The following RIC3 variants were observed in gnomAD, a reference collection of about 807,000 sequenced individuals.
The protein encoded by RIC3 is protein RIC-3.
A neutral mutation model predicts 27.3 loss-of-function variants in RIC3; 28 were observed. The observed-to-expected ratio is 1.02, with a 90% CI of 0.76 to 1.41. RIC3 has a LOEUF of 1.41. Ranked by LOEUF, RIC3 falls within the 40% of genes most tolerant of loss-of-function variation. RIC3 has a pLI of 0.00. For synonymous variants in RIC3, 184 were observed against 160.4 expected (o/e 1.15, Z -1.11); for missense variants, 501 against 444.7 (o/e 1.13, Z -1.14).
intron 1 of RIC3, among the ~76,000 whole-genome samples, chr11:8,166,921 A>G (rs1423218814): frequency 6.6e-6 from 1 of 151,838 alleles, no homozygotes; most frequent in East Asian, 1.9e-4. Context: ...AAGAGAGGAA[A>G]GGAGGGAGGG....
intron 4 of RIC3, among the ~76,000 whole-genome samples, chr11:8,136,250 G>A (rs1198563333): frequency 6.6e-6 from 1 of 152,148 alleles, no homozygotes; most frequent in Non-Finnish European, 1.5e-5. Flanking sequence ...TGAACAAAGG[G>A]CACAGCGTAC....
intron 1 of RIC3, among the ~76,000 whole-genome samples, chr11:8,147,814 G>A (rs750137767): frequency 1.3e-4 from 19 of 146,682 alleles, no homozygotes; most frequent in South Asian, 2.2e-4. Context: ...TGCAACCTCC[G>A]ACTCCCTGGT....
Position 8,110,276 on chromosome 11 carries a change from G to A in RIC3, c.*422C>T. On this transcript the variant is annotated 3_prime_UTR_variant, in exon 6 of 6. Transcript: ENST00000309737. Reference sequence around the variant, plus strand: ...CCTGCTCAAGGCCCAAAGAATAAGGGATCTTGGAGTCTGAAATCTTCATTC... The same window carrying A: ...CCTGCTCAAGGCCCAAAGAATAAGGAATCTTGGAGTCTGAAATCTTCATTC... 3.2e-6 allele frequency: 1 copy of A among 315,588 alleles called. No homozygotes were observed. The highest frequency in any genetic ancestry group is 1.1e-3 in the Middle Eastern group (1 of 914). The allele number at this position is 315,588 out of a possible 1,614,324, so 19.5% of individuals were successfully genotyped here.
chr11:8,158,846 C>T (rs1319229130), intron 1 of RIC3, among the ~76,000 whole-genome samples: 4 of 144,624 alleles, frequency 2.8e-5, no homozygotes, highest in African/African-American at 7.9e-5. Context: ...CAATTCTCTG[C>T]CTCAGCCTCC....
At chr11:8,162,685 G>A (rs551579852) in intron 1 of RIC3, among the ~76,000 whole-genome samples, 14 of 125,172 alleles carry the variant, frequency 1.1e-4, no homozygotes, top group African/African-American at 4.1e-4. Context: ...TCACTCTGTC[G>A]CCCAGGCTGG....
At chr11:8,101,831 AAGGG>A, downstream of RIC3, 1 of 714,446 alleles carries the variant, frequency 1.4e-6, no homozygotes. Context: ...GGTGGGTGTG[AAGGG>A]ATGAGAATAA....
In RIC3 at chr11:8,111,102, A is replaced by T. The variant is rs780327377; in HGVS notation, c.706T>A (p.Ser236Thr). 8.1e-6 allele frequency: 13 copies of T among 1,610,488 alleles called. No individual in the cohort carries two copies. Among genetic ancestry groups the T allele is most frequent in the Non-Finnish European group, 1.1e-5 (13 of 1,177,050 alleles). The stretch of plus-strand genomic sequence containing the variant: ...TCTTGCCTACGCTTGATACAGTCTG[A>T]AAGGTCATAAATTGGGTAAGTCTCT... ...PEETYPIYDL[S>T]DCIKRRQETI... is the part of the protein sequence containing the mutation. Residue 236 changes from serine (S) to threonine (T), a missense_variant, in exon 6 of 6, where the codon TCA becomes ACA. By Grantham distance (58) the Ser-to-Thr change is moderately conservative (BLOSUM62 1). Coordinates refer to ENST00000309737, the MANE Select transcript of RIC3 (RefSeq NM_001206671.4).
intron 4 of RIC3, chr11:8,128,447 A>T: frequency 2.8e-6 from 1 of 356,122 alleles, no homozygotes; most frequent in Non-Finnish European, 5.5e-6. Context: ...CACTCTTAAC[A>T]AGTATACTTT....
intron 1 of RIC3, among the ~76,000 whole-genome samples, chr11:8,161,630 C>T (rs1459640692): frequency 3.3e-5 from 5 of 152,290 alleles, no homozygotes; most frequent in South Asian, 2.1e-4. Context: ...AAGCCATTAA[C>T]GTGAACGGAT....
chr11:8,153,902 G>T (rs1950453959), intron 1 of RIC3, among the ~76,000 whole-genome samples: 1 of 152,134 alleles, frequency 6.6e-6, no homozygotes, highest in South Asian at 2.1e-4. Flanking sequence ...TCTGCTACCT[G>T]TGACACTTAA....
At chr11:8,111,574 G>A (rs1462966533) in intron 5 of RIC3, among the ~76,000 whole-genome samples, 1 of 152,158 alleles carries the variant, frequency 6.6e-6, no homozygotes, top group Non-Finnish European at 1.5e-5. Flanking sequence ...GAGAGGAAAG[G>A]AATGCTAAGC....
At position 8,110,612 on chromosome 11, in the gene RIC3, G is replaced by A; in HGVS notation, c.*86C>T. ...ATGACACTTGAACACAGTGAAGAAA[G>A]TGCAGGGCACAGGGCCAAGAAGGAA... On this transcript the variant is annotated 3_prime_UTR_variant, in exon 6 of 6. Coordinates refer to ENST00000309737, the MANE Select transcript of RIC3 (RefSeq NM_001206671.4). 1 of 1,184,380 alleles carries A rather than the reference G, an allele frequency of 8.4e-7. No individual in the cohort carries two copies. Among genetic ancestry groups the A allele is most frequent in the Non-Finnish European group, 1.3e-6 (1 of 794,774 alleles). 73.4% of individuals were successfully genotyped at this position (1,184,380 alleles called of 1,614,324 possible).
chr11:8,098,784 C>A, the RIC3 span: 1 of 1,613,964 alleles, frequency 6.2e-7, no homozygotes, highest in Non-Finnish European at 8.5e-7. Context: ...ACCAAGTTCA[C>A]TGTTTATGAC....
At chr11:8,118,866 A>G (rs1392507743) in intron 5 of RIC3, among the ~76,000 whole-genome samples, 2 of 119,502 alleles carry the variant, frequency 1.7e-5, no homozygotes, top group Non-Finnish European at 2.1e-5. Context: ...GTGAGACTCC[A>G]TCTCAAAAAA....
chr11:8,098,760 C>T, the RIC3 span: 1 of 1,612,222 alleles, frequency 6.2e-7, no homozygotes, highest in Non-Finnish European at 8.5e-7. Flanking sequence ...TATTTCAGGT[C>T]CAACTTGATG....
At chr11:8,151,442 CG>C (rs1174443988) in intron 1 of RIC3, among the ~76,000 whole-genome samples, 4 of 149,356 alleles carry the variant, frequency 2.7e-5, no homozygotes, top group Admixed American at 6.7e-5. Flanking sequence ...AAAAATTAGC[CG>C]GGCATGGTGG....
At chr11:8,131,335 A>T (rs1052980581) in intron 4 of RIC3, among the ~76,000 whole-genome samples, 1 of 152,244 alleles carries the variant, frequency 6.6e-6, no homozygotes, top group Non-Finnish European at 1.5e-5. Context: ...TCAATCAAGG[A>T]TAACATCTAA....
Position 8,110,890 on chromosome 11 carries a change from ACAG to A in RIC3, c.915_917del (p.Cys306del), listed in dbSNP as rs1945169149. On this transcript the variant is annotated inframe_deletion, in exon 6 of 6. Coordinates refer to ENST00000309737, the MANE Select transcript of RIC3 (RefSeq NM_001206671.4). ...CAGCAGGATCCTCGTCTTCATGAAAACAGCAGGAACATGTTTCTGGCTTTGGAT... is the reference window on the plus strand; with the variant it reads ...CAGCAGGATCCTCGTCTTCATGAAAACAGGAACATGTTTCTGGCTTTGGAT... 6.2e-7 allele frequency: 1 copy of A among 1,614,074 alleles called. No individual in the cohort carries two copies. The highest frequency in any genetic ancestry group is 1.1e-5 in the South Asian group (1 of 91,072).
intron 4 of RIC3, among the ~76,000 whole-genome samples, chr11:8,130,409 T>C (rs562193563): frequency 8.5e-5 from 13 of 152,334 alleles, no homozygotes; most frequent in African/African-American, 2.9e-4. Context: ...AAAGCTGCTC[T>C]GGTTACCACC....
Sources: gnomAD v4.1 joint callset for allele counts (sites outside exome capture counted in the v4.1 genomes callset) on GRCh38, gnomAD v4.1.1 for gene constraint, MANE v1.5 for transcripts, NCBI Gene and HGNC (gene_info 2026-07-23, HGNC 2026-07-21) for gene names.